The following SLC35F1 variants were observed in gnomAD, a reference collection of about 807,000 sequenced individuals.
SLC35F1 encodes solute carrier family 35 member F1, also known as chromosome 6 open reading frame 169.
Under a neutral mutation model 48.7 loss-of-function variants are expected in SLC35F1, and 14 were observed. The ratio of observed to expected loss-of-function variants is 0.29; its 90% CI spans 0.19 to 0.45. The LOEUF (loss-of-function observed/expected upper bound fraction) is 0.45, where lower values mean the gene tolerates loss of function less well. Among genes scored for constraint, SLC35F1 ranks in the 20% least tolerant of loss-of-function variants. SLC35F1 has a pLI of 1.00. For synonymous variants in SLC35F1, 190 were observed against 202.2 expected, an observed-to-expected ratio of 0.94 and a Z score of 0.51; for missense variants, 404 against 500.0, an observed-to-expected ratio of 0.81 and a Z score of 1.83.
At chr6:118,019,467 C>CA (rs1369009998) in intron 1 of SLC35F1, among the ~76,000 whole-genome samples, 1 of 151,998 alleles carries the variant, frequency 6.6e-6, no homozygotes, top group East Asian at 1.9e-4. Context: ...ACTAAAAATA[C>CA]AAAAATTAGC....
intron 3 of SLC35F1, among the ~76,000 whole-genome samples, chr6:118,240,369 A>G (rs1371190213): frequency 6.6e-6 from 1 of 152,260 alleles, no homozygotes; most frequent in Non-Finnish European, 1.5e-5. Flanking sequence ...AACTTTGCAT[A>G]TGAAACAAAC....
chr6:117,923,330 G>T (rs759152775), intron 1 of SLC35F1, among the ~76,000 whole-genome samples: 1 of 151,892 alleles, frequency 6.6e-6, no homozygotes, highest in East Asian at 1.9e-4. Flanking sequence ...AGCCCATGCA[G>T]AGTTTAGAAA....
intron 2 of SLC35F1, among the ~76,000 whole-genome samples, chr6:118,167,958 CTTCCCCACTTA>C (rs1774343057): frequency 6.6e-6 from 1 of 152,170 alleles, no homozygotes; most frequent in Non-Finnish European, 1.5e-5. Context: ...CCAGTCCTGT[CTTCCCCACTTA>C]TTCACAGCAG....
chr6:117,926,725 G>T (rs1314262928), intron 1 of SLC35F1, among the ~76,000 whole-genome samples: 1 of 152,124 alleles, frequency 6.6e-6, no homozygotes, highest in Admixed American at 6.5e-5. Flanking sequence ...GCCAGATCAT[G>T]CAGGGCTTTG....
At chr6:117,971,480 G>A (rs1776637681) in intron 1 of SLC35F1, among the ~76,000 whole-genome samples, 2 of 152,184 alleles carry the variant, frequency 1.3e-5, no homozygotes, top group South Asian at 4.1e-4. Context: ...GCTCCACTAA[G>A]CAGTGCCCCA....
intron 4 of SLC35F1, 80 bp from the exon 5 acceptor site, chr6:118,275,379 G>A: frequency 6.9e-7 from 1 of 1,449,416 alleles, no homozygotes; most frequent in Non-Finnish European, 9.3e-7. Context: ...GGCAAGGGAA[G>A]CTCAATTTGC....
chr6:118,312,133 C>T (rs1005987492), intron 7 of SLC35F1, among the ~76,000 whole-genome samples: 4 of 152,156 alleles, frequency 2.6e-5, no homozygotes, highest in Non-Finnish European at 5.9e-5. Context: ...AACTATAAAG[C>T]GCTCATTCTT....
At chr6:118,002,071 T>C (rs1777106949) in intron 1 of SLC35F1, among the ~76,000 whole-genome samples, 1 of 147,816 alleles carries the variant, frequency 6.8e-6, no homozygotes, top group African/African-American at 2.5e-5. Flanking sequence ...GAACTAGAAA[T>C]ACCATTTGAC....
At chr6:118,097,670 T>C (rs1310860958) in intron 1 of SLC35F1, among the ~76,000 whole-genome samples, 1 of 152,186 alleles carries the variant, frequency 6.6e-6, no homozygotes, top group Non-Finnish European at 1.5e-5. Flanking sequence ...AAATCACAAA[T>C]CTCATTTAGA....
At chr6:117,913,837 G>A (rs1582558171) in intron 1 of SLC35F1, among the ~76,000 whole-genome samples, 1 of 152,248 alleles carries the variant, frequency 6.6e-6, no homozygotes, top group Middle Eastern at 3.4e-3. Flanking sequence ...GGTCATCTGA[G>A]GTCAGGAGTG....
At chr6:118,155,971 A>C (rs1774134093) in intron 2 of SLC35F1, among the ~76,000 whole-genome samples, 1 of 152,230 alleles carries the variant, frequency 6.6e-6, no homozygotes, top group Non-Finnish European at 1.5e-5. Context: ...TTCATCTCAT[A>C]GGAGGAATAA....
At chr6:118,019,359 T>C (rs1777364037) in intron 1 of SLC35F1, among the ~76,000 whole-genome samples, 1 of 152,148 alleles carries the variant, frequency 6.6e-6, no homozygotes. Context: ...TAAGTGTGAA[T>C]AAACAGTACT....
intron 2 of SLC35F1, among the ~76,000 whole-genome samples, chr6:118,191,573 A>C (rs1774733853): frequency 6.6e-6 from 1 of 152,160 alleles, no homozygotes; most frequent in South Asian, 2.1e-4. Flanking sequence ...CGAAAGTTCA[A>C]GGTTCCAAAG....
At chr6:118,152,856 T>C (rs1399267859) in intron 1 of SLC35F1, among the ~76,000 whole-genome samples, 1 of 152,208 alleles carries the variant, frequency 6.6e-6, no homozygotes, top group Non-Finnish European at 1.5e-5. Flanking sequence ...ACCTTGTAGA[T>C]CTCTGCATTC....
chr6:117,910,644 G>T (rs940123892), intron 1 of SLC35F1, among the ~76,000 whole-genome samples: 1 of 152,194 alleles, frequency 6.6e-6, no homozygotes, highest in Admixed American at 6.5e-5. Context: ...GCTGTGGGCT[G>T]GTAGGGCTAG....
At chr6:118,268,525 C>G (rs1344006691) in intron 4 of SLC35F1, among the ~76,000 whole-genome samples, 5 of 146,794 alleles carry the variant, frequency 3.4e-5, no homozygotes, top group Non-Finnish European at 6.0e-5. Context: ...CTTTTTGGAC[C>G]AATCAGATAA....
chr6:117,943,167 T>A (rs73519566), intron 1 of SLC35F1, among the ~76,000 whole-genome samples: 3,549 of 152,332 alleles, frequency 0.023, 140 homozygotes, highest in African/African-American at 0.081. Flanking sequence ...TCAAATTCCA[T>A]TTGAACGTGA....
intron 4 of SLC35F1, among the ~76,000 whole-genome samples, chr6:118,272,816 A>G (rs1400074235): frequency 6.7e-6 from 1 of 148,612 alleles, no homozygotes; most frequent in African/African-American, 2.5e-5. Context: ...ACAAAAAATG[A>G]GAAAATGTAG....
intron 1 of SLC35F1, among the ~76,000 whole-genome samples, chr6:118,148,488 G>T (rs1774008383): frequency 6.6e-6 from 1 of 152,096 alleles, no homozygotes; most frequent in Admixed American, 6.6e-5. Context: ...TAATGGTTAT[G>T]TCAGTCTTTA....
Sources: allele counts gnomAD v4.1 joint callset (sites outside exome capture counted in the v4.1 genomes callset), GRCh38; gene constraint gnomAD v4.1.1; transcripts MANE v1.5; gene names NCBI Gene and HGNC (gene_info 2026-07-23, HGNC 2026-07-21).